ABCB1: variants seen among roughly 807,000 people sequenced by gnomAD.
ABCB1 encodes the protein ATP-dependent translocase ABCB1.
In ABCB1, 69 loss-of-function variants were observed where a neutral mutation model predicts 142.0. That is an observed-to-expected ratio of 0.49 (90% confidence interval 0.40 to 0.59). The LOEUF is 0.59. Ranked by LOEUF, ABCB1 falls within the 20% of genes least tolerant of loss-of-function variation. The pLI is 0.00. For missense variants in ABCB1, 1,326 were observed against 1,554.7 expected, an observed-to-expected ratio of 0.85 and a Z score of 2.47; for synonymous variants, 532 against 539.2, an observed-to-expected ratio of 0.99 and a Z score of 0.18.
Position 87,566,797 on chromosome 7 carries a change from G to A in ABCB1, c.518C>T (p.Thr173Ile), listed in dbSNP as rs1817800197. 1 of 1,614,086 alleles carries A rather than the reference G, an allele frequency of 6.2e-7. No individual in the cohort carries two copies. Among genetic ancestry groups the A allele is most frequent in the Non-Finnish European group, 8.5e-7 (1 of 1,179,988 alleles). The change falls in exon 6 of 28, where the codon ACC becomes ATC. Residue 173 changes from threonine to isoleucine, a missense_variant. Physicochemically the swap from Thr to Ile is moderately conservative, Grantham distance 89 (BLOSUM62 -1). Coordinates refer to ENST00000622132, the MANE Select transcript of ABCB1 (RefSeq NM_001348946.2). Reference sequence around the variant, plus strand: ...ACTAAATACTTACTCTGTAAGTCGGGTGTTAAGCTCCCCAACATCGTGCAC... The same window carrying A: ...ACTAAATACTTACTCTGTAAGTCGGATGTTAAGCTCCCCAACATCGTGCAC... ...FDVHDVGELN[T>I]RLTDDVSKIN... is the part of the protein sequence containing the mutation.
chr7:87,605,844 C>T (rs953665857), upstream of ABCB1, among the ~76,000 whole-genome samples: 2 of 151,880 alleles, frequency 1.3e-5, no homozygotes, highest in East Asian at 3.9e-4. Context: ...TATTATTTCC[C>T]AAATATCCTA....
At position 87,679,543 on chromosome 7, in the gene ABCB1, C is replaced by G. The variant is rs929190252; in HGVS notation, c.-331+33618G>C. On this transcript the variant is annotated intron_variant, in intron 1 of 28. Coordinates refer to the ABCB1 transcript ENST00000265724. ...TAGCTGGGACTACAGGCACACACCA[C>G]TACACCCAGCTAATTTTTTGATTTT... Among the ~76,000 whole-genome samples the G allele has an allele frequency of 1.6e-4, 24 of 150,134 alleles. 2 individuals are homozygous for G. Among genetic ancestry groups the G allele is most frequent in the African/African-American group, 5.4e-4 (22 of 40,404 alleles).
intron 1 of ABCB1, among the ~76,000 whole-genome samples, chr7:87,686,334 C>G (rs1239652215): frequency 1.3e-5 from 2 of 152,112 alleles, no homozygotes; most frequent in African/African-American, 4.8e-5. Flanking sequence ...CTAATGTCAT[C>G]AAGTCATAAT....
At chr7:87,522,441 C>A in intron 21 of ABCB1, 1 of 605,236 alleles carries the variant, frequency 1.7e-6, no homozygotes, top group Non-Finnish European at 3.1e-6. Flanking sequence ...CAAATCTTAG[C>A]AGGAGATAAG....
chr7:87,641,128 T>G (rs940486308), intron 1 of ABCB1, among the ~76,000 whole-genome samples: 8 of 152,238 alleles, frequency 5.3e-5, no homozygotes, highest in Non-Finnish European at 1.0e-4. Context: ...AAGTTATTTC[T>G]TTAATACTTT....
chr7:87,700,915 C>T (rs1211169896), intron 1 of ABCB1, among the ~76,000 whole-genome samples: 2 of 152,202 alleles, frequency 1.3e-5, no homozygotes, highest in Admixed American at 6.5e-5. Flanking sequence ...AATGCAGTGA[C>T]ATCAAACTGT....
chr7:87,712,408 C>T (rs1033131436), intron 1 of ABCB1, among the ~76,000 whole-genome samples: 1 of 151,924 alleles, frequency 6.6e-6, no homozygotes, highest in Non-Finnish European at 1.5e-5. Flanking sequence ...AACAAAGAAT[C>T]GTATCAGAAT....
At position 87,522,172 on chromosome 7, in the gene ABCB1, A is replaced by C; in HGVS notation, c.2686-1296T>G. The C allele has an allele frequency of 4.1e-6, 6 of 1,447,570 alleles. No individual in the cohort carries two copies. In the South Asian group the frequency reaches 5.7e-5, roughly 14 times the overall value. The allele number at this position is 1,447,570 out of a possible 1,614,324, so 89.7% of individuals were successfully genotyped here. ...TGGCAGCTGTGGTGGTGGTGGATAT[A>C]GTGGCAGTGGGGATGGCTATAATGG... On this transcript the variant is annotated intron_variant, in intron 21 of 27. Coordinates refer to ENST00000622132, the MANE Select transcript of ABCB1 (RefSeq NM_001348946.2).
intron 15 of ABCB1, among the ~76,000 whole-genome samples, chr7:87,545,212 C>T (rs1007979876): frequency 2.6e-5 from 4 of 152,162 alleles, no homozygotes; most frequent in Admixed American, 6.5e-5. Flanking sequence ...GAAGAATTCC[C>T]ACTGCATATA....
chr7:87,665,948 G>A (rs773992353), intron 1 of ABCB1, among the ~76,000 whole-genome samples: 3 of 151,992 alleles, frequency 2.0e-5, no homozygotes, highest in Admixed American at 6.6e-5. Flanking sequence ...GTGAACATAC[G>A]TGTACATGTG....
intron 20 of ABCB1, 117 bp from the exon 21 acceptor site, chr7:87,531,614 T>A: frequency 1.1e-6 from 1 of 937,646 alleles, no homozygotes; most frequent in Non-Finnish European, 1.6e-6. Flanking sequence ...AGTAATGAAC[T>A]AAAAAGTAAA....
intron 1 of ABCB1, among the ~76,000 whole-genome samples, chr7:87,697,817 C>T (rs1196204452): frequency 1.3e-5 from 2 of 152,088 alleles, no homozygotes; most frequent in Non-Finnish European, 2.9e-5. Context: ...TAAAGTGAAC[C>T]TAAGTCATTT....
intron 1 of ABCB1, among the ~76,000 whole-genome samples, chr7:87,691,743 G>A (rs1012548224): frequency 2.0e-5 from 3 of 151,910 alleles, no homozygotes; most frequent in Non-Finnish European, 4.4e-5. Context: ...CTTCTTTCTG[G>A]GGTTGTCAGT....
At chr7:87,590,752 T>C (rs1818969428) in intron 3 of ABCB1, among the ~76,000 whole-genome samples, 1 of 152,214 alleles carries the variant, frequency 6.6e-6, no homozygotes, top group South Asian at 2.1e-4. Context: ...CATTTTGTGA[T>C]GACAGGAAGG....
chr7:87,651,090 T>C (rs564125588), intron 1 of ABCB1, among the ~76,000 whole-genome samples: 7 of 152,324 alleles, frequency 4.6e-5, no homozygotes, highest in African/African-American at 1.4e-4. Flanking sequence ...CGAAAGAGCC[T>C]CTGTTCTCAG....
At chr7:87,577,004 T>C (rs1818297832) in intron 4 of ABCB1, among the ~76,000 whole-genome samples, 1 of 152,192 alleles carries the variant, frequency 6.6e-6, no homozygotes, top group Non-Finnish European at 1.5e-5. Flanking sequence ...TACTAGATGA[T>C]ATTCATTCTA....
At chr7:87,574,100 C>T (rs578164812) in intron 4 of ABCB1, among the ~76,000 whole-genome samples, 15 of 152,240 alleles carry the variant, frequency 9.9e-5, no homozygotes, top group African/African-American at 3.6e-4. Context: ...AAGCCTGCCT[C>T]CTTCCACCTA....
At chr7:87,707,628 C>T (rs1303954992) in intron 1 of ABCB1, among the ~76,000 whole-genome samples, 2 of 151,744 alleles carry the variant, frequency 1.3e-5, no homozygotes, top group East Asian at 3.9e-4. Flanking sequence ...GAGCTTAGAT[C>T]GCACCACTGC....
At chr7:87,629,921 A>C (rs1330553417) in intron 1 of ABCB1, among the ~76,000 whole-genome samples, 1 of 107,700 alleles carries the variant, frequency 9.3e-6, no homozygotes, top group African/African-American at 5.1e-5. Context: ...AGACTTCGTC[A>C]AAAAAAAAAA....
Sources: allele counts gnomAD v4.1 joint callset (sites outside exome capture counted in the v4.1 genomes callset), GRCh38; gene constraint gnomAD v4.1.1; transcripts MANE v1.5; gene names NCBI Gene and HGNC (gene_info 2026-07-23, HGNC 2026-07-21).